The following PCGF3 variants were observed in gnomAD, a reference collection of about 807,000 sequenced individuals.
The protein encoded by PCGF3 is polycomb group ring finger 3.
In PCGF3, 7 loss-of-function variants were observed where a neutral mutation model predicts 33.1. That is an observed-to-expected ratio of 0.21 (90% CI 0.12 to 0.40). PCGF3 has a LOEUF of 0.40. Ranked by LOEUF, PCGF3 falls within the 10% of genes least tolerant of loss-of-function variation. The pLI is 1.00. For synonymous variants in PCGF3, 153 were observed against 121.3 expected (o/e 1.26, Z -1.72); for missense variants, 211 against 313.3 (o/e 0.67, Z 2.46).
intron 1 of PCGF3, among the ~76,000 whole-genome samples, chr4:707,798 C>CA (rs1742389124): frequency 7.4e-6 from 1 of 134,832 alleles, no homozygotes; most frequent in African/African-American, 2.8e-5. Context: ...GCTCTGTTTT[C>CA]CCCTGGGGGC....
chr4:729,115 A>C (rs1206442898), intron 1 of PCGF3, among the ~76,000 whole-genome samples: 3 of 149,240 alleles, frequency 2.0e-5, no homozygotes, highest in Admixed American at 6.7e-5. Context: ...AAAAAAAAAA[A>C]AAAAAAAAAA....
At position 737,287 on chromosome 4, in the gene PCGF3, C is replaced by T. The variant is rs62296767; in HGVS notation, c.207-179C>T. ...CAGCCAGAGCCCAAGTTAAATGACG[C>T]GTTAATTCAGCTCATACATGGCTTT... On this transcript the variant is annotated intron_variant, in intron 5 of 10. Transcript: ENST00000362003. Among the ~76,000 whole-genome samples the T allele has an allele frequency of 3.4e-4, 52 of 152,282 alleles. 1 individual carries two copies. The highest frequency in any genetic ancestry group is 5.1e-4 in the Non-Finnish European group (35 of 68,018).
chr4:740,465 C>A (rs1744037986), intron 6 of PCGF3, among the ~76,000 whole-genome samples: 1 of 152,186 alleles, frequency 6.6e-6, no homozygotes, highest in Admixed American at 6.5e-5. Context: ...ACTCTGGGCT[C>A]TTTCACTCGG....
chr4:753,630 G>A (rs914160155), intron 8 of PCGF3, among the ~76,000 whole-genome samples: 14 of 146,328 alleles, frequency 9.6e-5, no homozygotes, highest in Non-Finnish European at 1.5e-4. Flanking sequence ...GCGACAGAGC[G>A]AGAGTCCGGT....
chr4:710,884 C>T lies in PCGF3; in HGVS notation c.-190+4914C>T, dbSNP rs150339946. ...TGATTTTGCTCCAGAAATTATCAAC[C>T]GACTTCTGTTAAGTTTTCCTAAACC... On this transcript the variant is annotated intron_variant, in intron 1 of 10. Transcript: ENST00000362003. Among the ~76,000 whole-genome samples, 788 of 152,280 alleles carry T rather than the reference C, an allele frequency of 5.2e-3. 6 individuals carry two copies. The highest frequency in any genetic ancestry group is 0.018 in the African/African-American group (735 of 41,554).
intron 8 of PCGF3, among the ~76,000 whole-genome samples, chr4:755,386 TG>T (rs1744723878): frequency 1.3e-5 from 2 of 152,194 alleles, no homozygotes; most frequent in Admixed American, 6.5e-5. Flanking sequence ...GTTGCTTACT[TG>T]TTCTTTGCCC....
At chr4:755,335 C>T (rs145371117) in intron 8 of PCGF3, among the ~76,000 whole-genome samples, 1 of 151,940 alleles carries the variant, frequency 6.6e-6, no homozygotes, top group Non-Finnish European at 1.5e-5. Flanking sequence ...TGTGGGGTGT[C>T]CAGCGACTCA....
At position 761,992 on chromosome 4, in the gene PCGF3, A is replaced by G. The variant is rs540161074; in HGVS notation, c.600+576A>G. 4 of 985,336 alleles carry G rather than the reference A, an allele frequency of 4.1e-6. No homozygotes were observed. The African/African-American group carries it at 7.0e-5, about 17-fold the overall frequency. 61.0% of individuals were successfully genotyped at this position (985,336 alleles called of 1,614,324 possible). On this transcript the variant is annotated intron_variant, in intron 9 of 10. Transcript: ENST00000362003. ...TTTTTGAAAATCGCTCAGGCTGTGC[A>G]GAAATGGACGCAGGAGAGGCCAGCG...
At chr4:758,022 G>T (rs1217513438) in intron 8 of PCGF3, among the ~76,000 whole-genome samples, 1 of 151,940 alleles carries the variant, frequency 6.6e-6, no homozygotes, top group Non-Finnish European at 1.5e-5. Context: ...AAAAAAATTA[G>T]CCGGGCATGA....
intron 9 of PCGF3, chr4:761,760 A>T (rs563327047): frequency 3.0e-6 from 3 of 985,260 alleles, no homozygotes; most frequent in Admixed American, 6.1e-5. Flanking sequence ...GAGAGGGAGG[A>T]CCCTTCCAGG....
At chr4:736,790 G>A (rs1204017257) in intron 5 of PCGF3, among the ~76,000 whole-genome samples, 5 of 147,580 alleles carry the variant, frequency 3.4e-5, no homozygotes, top group Admixed American at 2.7e-4. Context: ...CGCACGGGAC[G>A]CGGGAAACCT....
chr4:718,013 G>A (rs1468145523), intron 1 of PCGF3, among the ~76,000 whole-genome samples: 1 of 152,314 alleles, frequency 6.6e-6, no homozygotes, highest in African/African-American at 2.4e-5. Flanking sequence ...CTGTGTGGGT[G>A]CCGCGTGTCC....
exon 11 of PCGF3, chr4:766,580 T>C (rs1021003256): frequency 2.0e-5 from 3 of 152,384 alleles, no homozygotes; most frequent in African/African-American, 7.2e-5. Flanking sequence ...AGAAGTTATA[T>C]AAAAAATTAA....
chr4:734,231 T>C (rs754642746), intron 4 of PCGF3: 15 of 1,503,220 alleles, frequency 1.0e-5, no homozygotes, highest in East Asian at 2.5e-5. Flanking sequence ...TGGACCTGAG[T>C]GTTTTTCTAA....
rs1387185050 is a variant in PCGF3 at position 758,394 on chromosome 4, C to T, written c.463-2885C>T. Among the ~76,000 whole-genome samples the T allele has an allele frequency of 5.5e-5, 8 of 144,802 alleles. No homozygotes were observed. The East Asian group carries it at 1.5e-3, about 27-fold the overall frequency. 95.0% of individuals were successfully genotyped at this position (144,802 alleles called of 152,430 possible). The stretch of plus-strand genomic sequence containing the variant: ...GAGGCCCCTCTCCGGAGTTCTTCTC[C>T]TTCCGGACTCCGGGTCTTTCTCCCC... On this transcript the variant is annotated intron_variant, in intron 8 of 10. Coordinates refer to ENST00000362003, the Ensembl canonical transcript of PCGF3.
chr4:763,712 T>G (rs1246342518), intron 9 of PCGF3, among the ~76,000 whole-genome samples: 1 of 152,186 alleles, frequency 6.6e-6, no homozygotes. Flanking sequence ...CACCTCGTCA[T>G]TTACCCACTG....
intron 7 of PCGF3, 72 bp downstream of exon 7, chr4:743,656 G>A (rs1381144063): frequency 1.4e-5 from 12 of 868,996 alleles, no homozygotes; most frequent in Admixed American, 6.1e-5. Flanking sequence ...AAGAGCTGGC[G>A]CTGTCTGCCG....
chr4:768,785 G>C (rs577786780), exon 11 of PCGF3: 1 of 152,636 alleles, frequency 6.6e-6, no homozygotes, highest in East Asian at 1.9e-4. Context: ...TTTATTTACA[G>C]GCATATAAAA....
At chr4:755,141 G>A (rs1744712716) in intron 8 of PCGF3, among the ~76,000 whole-genome samples, 1 of 152,252 alleles carries the variant, frequency 6.6e-6, no homozygotes, top group South Asian at 2.1e-4. Flanking sequence ...GTGTCGCAGA[G>A]CACACGGCGT....
Sources: allele counts gnomAD v4.1 joint callset (sites outside exome capture counted in the v4.1 genomes callset), GRCh38; gene constraint gnomAD v4.1.1; transcripts MANE v1.5; gene names NCBI Gene and HGNC (gene_info 2026-07-23, HGNC 2026-07-21).